CACUL1: variants seen among roughly 807,000 people sequenced by gnomAD.
CACUL1 encodes the protein CDK2-associated and cullin domain-containing protein 1.
Under a neutral mutation model 45.2 loss-of-function variants are expected in CACUL1, and 13 were observed. The observed-to-expected ratio is 0.29, with a 90% CI of 0.19 to 0.46. The LOEUF is 0.46. CACUL1 is among the 20% of genes least tolerant of loss of function. The pLI, the probability that CACUL1 is intolerant of heterozygous loss-of-function variation, is 1.00. For missense variants in CACUL1, 421 were observed against 471.4 expected, an observed-to-expected ratio of 0.89 and a Z score of 0.99; for synonymous variants, 197 against 174.2, an observed-to-expected ratio of 1.13 and a Z score of -1.03.
intron 4 of CACUL1, among the ~76,000 whole-genome samples, chr10:118,707,080 TAAAA>T (rs1183127132): frequency 1.3e-5 from 2 of 152,188 alleles, no homozygotes; most frequent in Non-Finnish European, 2.9e-5. Flanking sequence ...ACTCTCCAAA[TAAAA>T]CAGATCATCA....
Sources: allele counts gnomAD v4.1 joint callset (sites outside exome capture counted in the v4.1 genomes callset), GRCh38; gene constraint gnomAD v4.1.1; transcripts MANE v1.5; gene names NCBI Gene and HGNC (gene_info 2026-07-23, HGNC 2026-07-21).